ABCA6: variants seen among roughly 807,000 people sequenced by gnomAD.
ABCA6 encodes the protein ATP-binding cassette sub-family A member 6.
A neutral mutation model predicts 191.2 loss-of-function variants in ABCA6; 164 were observed. That is an observed-to-expected ratio of 0.86 (90% confidence interval 0.76 to 0.98). The LOEUF is 0.98. ABCA6 is among the 50% of genes least tolerant of loss of function. ABCA6 has a pLI of 0.00. For missense variants in ABCA6, 1,958 were observed against 1,894.1 expected (o/e 1.03, Z -0.63); for synonymous variants, 636 against 647.7 (o/e 0.98, Z 0.27).
At chr17:69,113,403 T>C in intron 14 of ABCA6, 43 bp from the exon 15 acceptor site, 1 of 1,567,240 alleles carries the variant, frequency 6.4e-7, no homozygotes, top group Non-Finnish European at 8.6e-7. Context: ...CTCTTTCACA[T>C]TAACTGTATC....
At chr17:69,134,850 CT>C in intron 4 of ABCA6, 108 bp from the exon 5 acceptor site, 5 of 607,026 alleles carry the variant, frequency 8.2e-6, no homozygotes, top group Admixed American at 6.3e-5. Flanking sequence ...TACCAGTAAA[CT>C]TTTTTGGTGG....
chr17:69,116,670 T>C (rs1449339361), intron 11 of ABCA6, among the ~76,000 whole-genome samples: 1 of 152,122 alleles, frequency 6.6e-6, no homozygotes, highest in Non-Finnish European at 1.5e-5. Flanking sequence ...TATAATGGAA[T>C]GGTACTTAGC....
intron 34 of ABCA6, 45 bp from the exon 35 acceptor site, chr17:69,083,376 C>A: frequency 6.6e-7 from 1 of 1,508,198 alleles, no homozygotes; most frequent in Non-Finnish European, 8.8e-7. Context: ...TAACTAAGTG[C>A]AGAAGAAAAA....
At chr17:69,141,260 G>T (rs543279327) in intron 1 of ABCA6, among the ~76,000 whole-genome samples, 1 of 152,066 alleles carries the variant, frequency 6.6e-6, no homozygotes, top group African/African-American at 2.4e-5. Context: ...AAAAGAGATA[G>T]GTTGTAAATC....
At chr17:69,112,419 G>T in intron 15 of ABCA6, 146 bp from the exon 16 acceptor site, 1 of 575,534 alleles carries the variant, frequency 1.7e-6, no homozygotes, top group Non-Finnish European at 3.1e-6. Flanking sequence ...TTTAACATTT[G>T]AAATACATAT....
chr17:69,115,552 G>A (rs1363019385), intron 11 of ABCA6, 66 bp from the exon 12 acceptor site: 2 of 1,134,894 alleles, frequency 1.8e-6, no homozygotes, highest in Admixed American at 3.8e-5. Flanking sequence ...AGACAGGCCT[G>A]GTCCCAACAT....
intron 1 of ABCA6, among the ~76,000 whole-genome samples, chr17:69,141,422 G>C (rs536695691): frequency 3.3e-5 from 5 of 151,984 alleles, no homozygotes; most frequent in African/African-American, 1.2e-4. Context: ...ACACGGGAAA[G>C]TAATTTTGCC....
chr17:69,085,531 A>AAG (rs1555645964), intron 31 of ABCA6, 94 bp downstream of exon 31: 1 of 806,956 alleles, frequency 1.2e-6, no homozygotes, highest in Non-Finnish European at 1.8e-6. Context: ...AAAAAAAAAA[A>AAG]AAAAGAAAAG....
rs568944321 is a variant in ABCA6, at chr17:69,112,150, C to T, written c.2132+33G>A. 9 of 1,501,868 alleles carry T rather than the reference C, an allele frequency of 6.0e-6. No homozygotes were observed. In the East Asian group the frequency reaches 1.6e-4, roughly 26 times the overall value. 93.0% of individuals were successfully genotyped at this position (1,501,868 alleles called of 1,614,324 possible). A position where few individuals can be genotyped will look rare whatever the true frequency, so the allele number is the denominator to read the frequency against. On this transcript the variant is annotated intron_variant, in intron 16 of 38. Transcript: ENST00000284425. The stretch of plus-strand genomic sequence containing the variant: ...CTTTTTCATATACCAGTATTGCAAA[C>T]ACATAAATCCAATCTATTCCCAAAG...
chr17:69,116,158 A>G (rs2073534713), intron 11 of ABCA6, among the ~76,000 whole-genome samples: 1 of 152,088 alleles, frequency 6.6e-6, no homozygotes, highest in African/African-American at 2.4e-5. Context: ...TTTTAAATGC[A>G]AAGTATACGG....
intron 23 of ABCA6, among the ~76,000 whole-genome samples, chr17:69,097,348 A>G (rs1598454153): frequency 1.3e-5 from 2 of 150,606 alleles, no homozygotes; most frequent in South Asian, 2.1e-4. Context: ...CCGATTTTGC[A>G]CCATTGCACT....
At chr17:69,102,053 A>G (rs1431062048) in intron 21 of ABCA6, among the ~76,000 whole-genome samples, 1 of 152,148 alleles carries the variant, frequency 6.6e-6, no homozygotes, top group Non-Finnish European at 1.5e-5. Context: ...TAACATTAAG[A>G]TGTATTTTTA....
intron 20 of ABCA6, chr17:69,103,773 T>TTGTCCCCACAC (rs2073231585): frequency 6.6e-6 from 1 of 152,338 alleles, no homozygotes; most frequent in Non-Finnish European, 1.5e-5. Flanking sequence ...GAACACACAG[T>TTGTCCCCACAC]AGCCGCAGTT....
At position 69,128,610 on chromosome 17, in the gene ABCA6, G is replaced by C. The variant is rs772136535; in HGVS notation, c.1119+9C>G. ...ATTTCAGTAATAAACCAATTAACTA[G>C]GCTCTTACCTGAATCATTCCAGTAG... On this transcript the variant is annotated intron_variant, in intron 8 of 38. Coordinates refer to ENST00000284425, the MANE Select transcript of ABCA6 (RefSeq NM_080284.3). 1.9e-6 allele frequency: 3 copies of C among 1,598,098 alleles called. No individual in the cohort carries two copies. In the Admixed American group the frequency reaches 5.1e-5, roughly 27 times the overall value.
intron 25 of ABCA6, among the ~76,000 whole-genome samples, chr17:69,091,958 A>T (rs1176704474): frequency 4.4e-5 from 6 of 135,070 alleles, no homozygotes; most frequent in Admixed American, 1.4e-4. Flanking sequence ...TGGCTATTAT[A>T]AAAAAAAACC....
intron 4 of ABCA6, 146 bp from the exon 5 acceptor site, chr17:69,134,888 C>CT (rs58333377): frequency 4.8e-3 from 1,487 of 311,942 alleles, no homozygotes; most frequent in East Asian, 9.9e-3. Context: ...TTGTGGTTGT[C>CT]TTTTTTTTTT....
chr17:69,101,595 C>CAAA (rs528243690), intron 21 of ABCA6, among the ~76,000 whole-genome samples: 1 of 75,688 alleles, frequency 1.3e-5, no homozygotes, highest in Admixed American at 1.5e-4. Flanking sequence ...GACTCTGTCT[C>CAAA]AAAAAAAAAA....
chr17:69,132,517 G>C (rs181235756), intron 6 of ABCA6, among the ~76,000 whole-genome samples: 1 of 152,304 alleles, frequency 6.6e-6, no homozygotes, highest in Non-Finnish European at 1.5e-5. Context: ...GTCTCACTCT[G>C]TCGCCCAGGC....
In ABCA6 at chr17:69,113,222, C is replaced by T; in HGVS notation, c.2041G>A (p.Asp681Asn). ...ACACTGAGATAAAACCAACAATTAC[C>T]AGCCAGGATGTCAGCCTCATCCATG... ...QSMDEADILA[D>N]RKVIMSNGRL... The change falls in exon 15 of 39, where the codon GAT becomes AAT. Residue 681 changes from aspartate (D) to asparagine (N), a missense_variant and splice_region_variant. Physicochemically the swap from Asp to Asn is conservative, Grantham distance 23. Transcript: ENST00000284425. 1 of 1,599,934 alleles carries T rather than the reference C, an allele frequency of 6.3e-7. No individual in the cohort carries two copies. The highest frequency in any genetic ancestry group is 8.5e-7 in the Non-Finnish European group (1 of 1,175,478).
Sources: allele counts gnomAD v4.1 joint callset (sites outside exome capture counted in the v4.1 genomes callset), GRCh38; gene constraint gnomAD v4.1.1; transcripts MANE v1.5; gene names NCBI Gene and HGNC (gene_info 2026-07-23, HGNC 2026-07-21).